The following HABP2 variants were observed in gnomAD, a reference collection of about 807,000 sequenced individuals.
HABP2 encodes factor VII-activating protease.
Under a neutral mutation model 66.5 loss-of-function variants are expected in HABP2, and 65 were observed. That is an observed-to-expected ratio of 0.98 (90% CI 0.80 to 1.20). The LOEUF (loss-of-function observed/expected upper bound fraction) is 1.20. Ranked by LOEUF, HABP2 falls within the 50% of genes most tolerant of loss-of-function variation. The probability of loss-of-function intolerance (pLI) is 0.00; values close to 1 mark genes in which losing one functional copy is unlikely to be tolerated. For synonymous variants in HABP2, 263 were observed against 253.9 expected (o/e 1.04, Z -0.34); for missense variants, 786 against 691.0 (o/e 1.14, Z -1.54).
intron 2 of HABP2, among the ~76,000 whole-genome samples, chr10:113,573,024 C>G (rs1845342253): frequency 6.6e-6 from 1 of 152,208 alleles, no homozygotes; most frequent in South Asian, 2.1e-4. Context: ...AGGTAAAGTG[C>G]CATCCTCCAA....
chr10:113,559,153 C>A (rs1376480144), intron 1 of HABP2, among the ~76,000 whole-genome samples: 1 of 152,190 alleles, frequency 6.6e-6, no homozygotes, highest in Non-Finnish European at 1.5e-5. Context: ...CCGTGCCCAG[C>A]CTTCGCTTGC....
At chr10:113,565,147 G>A (rs566755253) in intron 1 of HABP2, among the ~76,000 whole-genome samples, 7 of 152,288 alleles carry the variant, frequency 4.6e-5, no homozygotes, top group East Asian at 1.9e-4. Flanking sequence ...CCCAGCCAGC[G>A]TCTCTTAAGA....
At chr10:113,554,975 ACAGG>A (rs1373008300) in intron 1 of HABP2, among the ~76,000 whole-genome samples, 3 of 152,190 alleles carry the variant, frequency 2.0e-5, no homozygotes, top group African/African-American at 7.2e-5. Context: ...CTTGTGTTCC[ACAGG>A]CTGGCATACA....
rs746765399 is a variant in HABP2, at chr10:113,553,195, G to T, written c.69+5G>T. ...GTGGGAAAGACAGCCTGTGGGGTAA[G>T]TGTTCTTTTCTAATATTTGTAGTTG... On this transcript the variant is annotated splice_donor_5th_base_variant and intron_variant, in intron 1 of 12. Transcript: ENST00000351270. The T allele has an allele frequency of 1.2e-5, 19 of 1,603,950 alleles. No homozygotes were observed. In the Admixed American group the frequency reaches 1.3e-4, roughly 11 times the overall value.
Position 113,575,935 on chromosome 10 carries a change from T to G in HABP2, c.262T>G (p.Cys88Gly), listed in dbSNP as rs778046820. The G allele has an allele frequency of 1.9e-6, 3 of 1,612,214 alleles. No homozygotes were observed. The highest frequency in any genetic ancestry group is 2.5e-6 in the Non-Finnish European group (3 of 1,178,314). The change falls in exon 4 of 13, where the codon TGC becomes GGC. Residue 88 changes from cysteine (C) to glycine (G), a missense_variant. Coordinates refer to ENST00000351270, the MANE Select transcript of HABP2 (RefSeq NM_004132.5). ...QPNPCEHGGD[C>G]LVHGSTFTCS... ...CAACCCCTGTGAACACGGTGGGGACTGCCTCGTCCATGGGAGCACCTTCAC... is the reference window on the plus strand; with the variant it reads ...CAACCCCTGTGAACACGGTGGGGACGGCCTCGTCCATGGGAGCACCTTCAC...
intron 12 of HABP2, among the ~76,000 whole-genome samples, chr10:113,588,002 G>A (rs758511941): frequency 5.3e-5 from 8 of 152,038 alleles, no homozygotes; most frequent in Non-Finnish European, 1.0e-4. Flanking sequence ...ACTCAGGGAC[G>A]GAGGACACTG....
Position 113,577,051 on chromosome 10 carries a change from A to G in HABP2, c.332-99A>G, listed in dbSNP as rs575023205. 7.2e-5 allele frequency: 54 copies of G among 753,636 alleles called. No individual in the cohort carries two copies. In the African/African-American group the frequency reaches 7.6e-4, roughly 11 times the overall value. The allele number at this position is 753,636 out of a possible 1,614,324, so 46.7% of individuals were successfully genotyped here. A position where few individuals can be genotyped will look rare whatever the true frequency, so the allele number is the denominator to read the frequency against. On this transcript the variant is annotated intron_variant, in intron 4 of 12. Coordinates refer to ENST00000351270, the MANE Select transcript of HABP2 (RefSeq NM_004132.5). Reference sequence around the variant, plus strand: ...TTCAGGACCACGGACAAGGCTACAGACACTGTCAGTCACCCCACCCTCAAA... The same window carrying G: ...TTCAGGACCACGGACAAGGCTACAGGCACTGTCAGTCACCCCACCCTCAAA...
At position 113,589,135 on chromosome 10, in the gene HABP2, G is replaced by T. The variant is rs549719819; in HGVS notation, c.*766G>T. 1.4e-6 allele frequency: 2 copies of T among 1,440,082 alleles called. No homozygotes were observed. Among genetic ancestry groups the T allele is most frequent in the Admixed American group, 1.7e-5 (1 of 57,956 alleles). 89.2% of individuals were successfully genotyped at this position (1,440,082 alleles called of 1,614,324 possible). A position where few individuals can be genotyped will look rare whatever the true frequency, so the allele number is the denominator to read the frequency against. On this transcript the variant is annotated 3_prime_UTR_variant, in exon 13 of 13. Coordinates refer to ENST00000351270, the MANE Select transcript of HABP2 (RefSeq NM_004132.5). ...ATGAAGCTCCCCCACCCCCACTCCC[G>T]GCCCCGGTTCCCACAGGACACGCTA... is the stretch of plus-strand genomic sequence containing the variant.
chr10:113,578,572 G>T, intron 6 of HABP2, 55 bp from the exon 7 acceptor site: 1 of 1,282,606 alleles, frequency 7.8e-7, no homozygotes, highest in Non-Finnish European at 1.1e-6. Flanking sequence ...AGCCCTTTTT[G>T]GGAGTGGCAT....
chr10:113,564,012 T>C lies in HABP2; in HGVS notation c.70-3477T>C, dbSNP rs540510747. Among the ~76,000 whole-genome samples, 16 of 152,232 alleles carry C rather than the reference T, an allele frequency of 1.1e-4. No individual in the cohort carries two copies. The South Asian group carries it at 2.9e-3, about 28-fold the overall frequency. On this transcript the variant is annotated intron_variant, in intron 1 of 12. Transcript: ENST00000351270. ...GTCTTAGTGTATTAGTCCATTCTCA[T>C]GCTGCTAATAAAGACATACCCAAGA... is the stretch of plus-strand genomic sequence containing the variant.
intron 1 of HABP2, among the ~76,000 whole-genome samples, chr10:113,564,013 G>A (rs1845149173): frequency 6.6e-6 from 1 of 152,128 alleles, no homozygotes. Context: ...CCATTCTCAT[G>A]CTGCTAATAA....
chr10:113,588,215 G>A lies in HABP2; in HGVS notation c.1529G>A (p.Gly510Glu). The A allele has an allele frequency of 6.2e-7, 1 of 1,603,766 alleles. No individual in the cohort carries two copies. The highest frequency in any genetic ancestry group is 1.7e-5 in the Admixed American group (1 of 58,242). ...PGQDTCQGDS[G>E]GPLTCEKDGT... ...CTCTGTTTCCCTTAGGGTGACTCTG[G>A]AGGCCCCCTGACCTGTGAGAAGGAC... Residue 510 changes from glycine to glutamate, a missense_variant, in exon 13 of 13, where the codon GGA becomes GAA. By Grantham distance (98) the Gly-to-Glu change is moderately conservative (BLOSUM62 -2). Transcript: ENST00000351270.
chr10:113,578,077 G>A lies in HABP2; in HGVS notation c.500G>A (p.Arg167Gln), dbSNP rs558470144. 4.0e-5 allele frequency: 65 copies of A among 1,614,040 alleles called. 1 individual carries two copies. The highest frequency in any genetic ancestry group is 3.4e-4 in the South Asian group (31 of 91,068). ...NPCQNGATCS[R>Q]HKRRSKFTCA... The stretch of plus-strand genomic sequence containing the variant: ...TGCCAGAATGGGGCTACCTGCTCCC[G>A]GCATAAGCGGAGATCCAAGTTCACC... Residue 167 changes from arginine (R) to glutamine (Q), a missense_variant, in exon 6 of 13, where the codon CGG (arginine) becomes CAG (glutamine). Arg to Gln is a conservative substitution (Grantham distance 43, BLOSUM62 1). Coordinates refer to ENST00000351270, the MANE Select transcript of HABP2 (RefSeq NM_004132.5).
chr10:113,582,595 A>G lies in HABP2; in HGVS notation c.1094+464A>G, dbSNP rs11575773. On this transcript the variant is annotated intron_variant, in intron 9 of 12. Transcript: ENST00000351270. ...ACAAGTAAGATGGAAACCCCATTCT[A>G]TCTGCTTCTTTGACTTCTTTTGTCC... is the stretch of plus-strand genomic sequence containing the variant. Among the ~76,000 whole-genome samples, 255 of 152,328 alleles carry G rather than the reference A, an allele frequency of 1.7e-3. 3 individuals are homozygous for G. The highest frequency in any genetic ancestry group is 6.1e-3 in the Admixed American group (94 of 15,298).
At chr10:113,575,816 G>C in intron 3 of HABP2, 81 bp from the exon 4 acceptor site, 1 of 775,806 alleles carries the variant, frequency 1.3e-6, no homozygotes, top group South Asian at 1.6e-5. Flanking sequence ...GCAGGAGACT[G>C]AAATTTGATG....
At position 113,576,926 on chromosome 10, in the gene HABP2, G is replaced by A. The variant is rs191084201; in HGVS notation, c.332-224G>A. Among the ~76,000 whole-genome samples the A allele has an allele frequency of 2.0e-5, 3 of 152,218 alleles. No homozygotes were observed. In the East Asian group the frequency reaches 5.8e-4, roughly 29 times the overall value. On this transcript the variant is annotated intron_variant, in intron 4 of 12. Transcript: ENST00000351270. ...ACAATTATCAAAGTTTTTTTATTAAGATATAAAAATTAAGACTATGGGCAT... is the reference window on the plus strand; with the variant it reads ...ACAATTATCAAAGTTTTTTTATTAAAATATAAAAATTAAGACTATGGGCAT...
Position 113,588,627 on chromosome 10 carries a change from C to T in HABP2, c.*258C>T, listed in dbSNP as rs552422428. 213 of 521,636 alleles carry T rather than the reference C, an allele frequency of 4.1e-4. No homozygotes were observed. The highest frequency in any genetic ancestry group is 6.5e-4 in the Non-Finnish European group (193 of 297,972). The allele number at this position is 521,636 out of a possible 1,614,324, so 32.3% of individuals were successfully genotyped here. A position where few individuals can be genotyped will look rare whatever the true frequency, so the allele number is the denominator to read the frequency against. On this transcript the variant is annotated 3_prime_UTR_variant, in exon 13 of 13. Transcript: ENST00000351270. ...AACATAGTATGTTTGCTTTCCTTAC[C>T]CAATTGTACCTTCTAGAAAATCAGT...
Position 113,578,025 on chromosome 10 carries a change from G to A in HABP2, c.449-1G>A. 1 of 1,614,114 alleles carries A rather than the reference G, an allele frequency of 6.2e-7. No individual in the cohort carries two copies. Among genetic ancestry groups the A allele is most frequent in the Non-Finnish European group, 8.5e-7 (1 of 1,180,012 alleles). On this transcript the variant is annotated splice_acceptor_variant, in intron 5 of 12. Coordinates refer to ENST00000351270, the MANE Select transcript of HABP2 (RefSeq NM_004132.5). LOFTEE classifies it high-confidence loss of function. Reference sequence around the variant, plus strand: ...TCCTGGCCCCATTCCTGTGTTCACAGTGGTTCCTGTATGCAGGCCAAACCC... The same window carrying A: ...TCCTGGCCCCATTCCTGTGTTCACAATGGTTCCTGTATGCAGGCCAAACCC...
At position 113,584,152 on chromosome 10, in the gene HABP2, G is replaced by T. The variant is rs1222455421; in HGVS notation, c.1242G>T (p.Leu414Phe). 1 of 1,613,656 alleles carries T rather than the reference G, an allele frequency of 6.2e-7. No homozygotes were observed. The highest frequency in any genetic ancestry group is 8.5e-7 in the Non-Finnish European group (1 of 1,179,734). ...TCTACCTCTCTCTCCACCTAGCATT[G>T]CTCAAGTTAAAGCCAGTGGATGGTC... is the stretch of plus-strand genomic sequence containing the variant. ...RDEIPHNDIA[L>F]LKLKPVDGHC... Residue 414 changes from leucine (L) to phenylalanine (F), a missense_variant, in exon 11 of 13, where the codon TTG becomes TTT. By Grantham distance (22) the Leu-to-Phe change is conservative. Coordinates refer to ENST00000351270, the MANE Select transcript of HABP2 (RefSeq NM_004132.5).
Sources: allele counts gnomAD v4.1 joint callset (sites outside exome capture counted in the v4.1 genomes callset), GRCh38; gene constraint gnomAD v4.1.1; transcripts MANE v1.5; gene names NCBI Gene and HGNC (gene_info 2026-07-23, HGNC 2026-07-21).